The following NOVA1 variants were observed in gnomAD, a reference collection of about 807,000 sequenced individuals.
The protein encoded by NOVA1 is RNA-binding protein Nova-1.
NOVA1 carries 7 observed loss-of-function variants against 38.0 expected under a neutral mutation model. The ratio of observed to expected loss-of-function variants is 0.18; its 90% CI spans 0.10 to 0.35. NOVA1 has a LOEUF of 0.35. Among genes scored for constraint, NOVA1 ranks in the 10% least tolerant of loss-of-function variants. The probability of loss-of-function intolerance (pLI) is 1.00; values close to 1 mark genes in which losing one functional copy is unlikely to be tolerated. For missense variants in NOVA1, 460 were observed against 616.0 expected, an observed-to-expected ratio of 0.75 and a Z score of 2.68; for synonymous variants, 270 against 232.5, an observed-to-expected ratio of 1.16 and a Z score of -1.47.
intron 2 of NOVA1, among the ~76,000 whole-genome samples, chr14:26,496,533 A>G (rs541214503): frequency 6.6e-6 from 1 of 152,012 alleles, no homozygotes; most frequent in African/African-American, 2.4e-5. Flanking sequence ...TTTTGTTGCC[A>G]TTGCTTTTGG....
At chr14:26,572,699 A>C (rs61495407) in intron 2 of NOVA1, among the ~76,000 whole-genome samples, 9,033 of 149,888 alleles carry the variant, frequency 0.06, 774 homozygotes, top group African/African-American at 0.19. Context: ...TATAAGCTGA[A>C]ACCTCAGCCT....
At chr14:26,582,873 T>C (rs1010342588) in intron 2 of NOVA1, among the ~76,000 whole-genome samples, 2 of 151,706 alleles carry the variant, frequency 1.3e-5, no homozygotes, top group Admixed American at 6.6e-5. Flanking sequence ...AAATTACTAA[T>C]CCTAGTAATA....
chr14:26,524,775 A>G (rs907778600), intron 2 of NOVA1, among the ~76,000 whole-genome samples: 3 of 152,210 alleles, frequency 2.0e-5, no homozygotes, highest in Non-Finnish European at 2.9e-5. Flanking sequence ...AAGAGCCCCC[A>G]AGGGCATAAC....
At chr14:26,460,620 A>G (rs1418621719) in intron 4 of NOVA1, among the ~76,000 whole-genome samples, 1 of 152,100 alleles carries the variant, frequency 6.6e-6, no homozygotes, top group African/African-American at 2.4e-5. Flanking sequence ...AAAATGATCA[A>G]TTTATTGTCT....
At chr14:26,502,388 A>G (rs924484557) in intron 2 of NOVA1, among the ~76,000 whole-genome samples, 1 of 151,846 alleles carries the variant, frequency 6.6e-6, no homozygotes, top group African/African-American at 2.4e-5. Flanking sequence ...TCCAGCTATT[A>G]AAGCCATAGT....
intron 4 of NOVA1, among the ~76,000 whole-genome samples, chr14:26,459,670 A>C (rs1391046230): frequency 6.6e-6 from 1 of 152,138 alleles, no homozygotes; most frequent in Non-Finnish European, 1.5e-5. Context: ...ATTTATAAAA[A>C]ACACTTTATG....
chr14:26,515,315 T>C (rs985154718), intron 2 of NOVA1, among the ~76,000 whole-genome samples: 1 of 151,936 alleles, frequency 6.6e-6, no homozygotes, highest in Non-Finnish European at 1.5e-5. Context: ...GAAAAAAAAT[T>C]ACCTAAGTTT....
At chr14:26,482,779 C>T (rs2138309888) in intron 2 of NOVA1, among the ~76,000 whole-genome samples, 1 of 152,178 alleles carries the variant, frequency 6.6e-6, no homozygotes, top group Non-Finnish European at 1.5e-5. Context: ...CTCACTGCAG[C>T]CTCGACCACC....
chr14:26,542,059 T>C (rs1187424359), intron 2 of NOVA1, among the ~76,000 whole-genome samples: 3 of 151,902 alleles, frequency 2.0e-5, no homozygotes, highest in East Asian at 1.9e-4. Flanking sequence ...AAATTAAATA[T>C]TAAAATGTCA....
At chr14:26,476,759 C>CGTGGCTCACGCCTCTGAATTTTT (rs1885018471) in intron 3 of NOVA1, among the ~76,000 whole-genome samples, 2 of 148,956 alleles carry the variant, frequency 1.3e-5, no homozygotes, top group Admixed American at 6.7e-5. Context: ...TCTTGTTGCC[C>CGTGGCTCACGCCTCTGAATTTTT]AGGCTGGAGT....
intron 2 of NOVA1, among the ~76,000 whole-genome samples, chr14:26,574,619 A>C (rs1892718505): frequency 6.6e-6 from 1 of 152,022 alleles, no homozygotes; most frequent in Non-Finnish European, 1.5e-5. Flanking sequence ...TGTTATCATA[A>C]AACTTTAATT....
At chr14:26,518,112 CATAGAGTT>C (rs1888605951) in intron 2 of NOVA1, among the ~76,000 whole-genome samples, 1 of 151,908 alleles carries the variant, frequency 6.6e-6, no homozygotes, top group Non-Finnish European at 1.5e-5. Flanking sequence ...GAAGATAAAT[CATAGAGTT>C]ATTTTGTAAT....
intron 2 of NOVA1, among the ~76,000 whole-genome samples, chr14:26,531,606 T>TCAAAACAAAACAAAA (rs71121887): frequency 6.6e-6 from 1 of 150,856 alleles, no homozygotes; most frequent in Admixed American, 6.6e-5. Flanking sequence ...AAACTCCGTC[T>TCAAAACAAAACAAAA]CAAAACAAAA....
At position 26,444,237 on chromosome 14, in the gene NOVA1, AT is replaced by A. The variant is rs1045682609; in HGVS notation, c.*3721del. ...CCAATTTAATGCTTTCATACTGTTT[AT>A]TTTTTTCCAATAAAAAAATAAATCT... On this transcript the variant is annotated 3_prime_UTR_variant, in exon 5 of 5. Coordinates refer to ENST00000539517, the MANE Select transcript of NOVA1 (RefSeq NM_002515.3). 6.6e-6 allele frequency: 1 copy of A among 152,056 alleles called. No homozygotes were observed. The highest frequency in any genetic ancestry group is 2.4e-5 in the African/African-American group (1 of 41,426). 9.4% of individuals were successfully genotyped at this position (152,056 alleles called of 1,614,324 possible). A position where few individuals can be genotyped will look rare whatever the true frequency, so the allele number is the denominator to read the frequency against.
chr14:26,569,010 C>A (rs1892306993), intron 2 of NOVA1, among the ~76,000 whole-genome samples: 1 of 152,114 alleles, frequency 6.6e-6, no homozygotes, highest in South Asian at 2.1e-4. Context: ...TAAATGACAA[C>A]TAAACGCAAA....
At chr14:26,541,966 A>G (rs1260044911) in intron 2 of NOVA1, among the ~76,000 whole-genome samples, 2 of 151,944 alleles carry the variant, frequency 1.3e-5, no homozygotes, top group Non-Finnish European at 2.9e-5. Flanking sequence ...TCTGCCATCT[A>G]TATCATTTAA....
chr14:26,444,510 T>C lies in NOVA1; in HGVS notation c.*3449A>G, dbSNP rs1458860218. Reference sequence around the variant, plus strand: ...TTTTAAAAGTTTGTTACAGATGTGATGGGAAGCTGGAAGGAGTCGAATAAG... The same window carrying C: ...TTTTAAAAGTTTGTTACAGATGTGACGGGAAGCTGGAAGGAGTCGAATAAG... On this transcript the variant is annotated 3_prime_UTR_variant, in exon 5 of 5. Coordinates refer to ENST00000539517, the MANE Select transcript of NOVA1 (RefSeq NM_002515.3). 2.6e-5 allele frequency: 4 copies of C among 152,078 alleles called. No individual in the cohort carries two copies. Among genetic ancestry groups the C allele is most frequent in the African/African-American group, 9.7e-5 (4 of 41,406 alleles). 9.4% of individuals were successfully genotyped at this position (152,078 alleles called of 1,614,324 possible).
intron 2 of NOVA1, among the ~76,000 whole-genome samples, chr14:26,498,160 C>T (rs888733523): frequency 6.6e-5 from 10 of 151,918 alleles, no homozygotes; most frequent in East Asian, 1.9e-4. Context: ...CCTGGGTTCA[C>T]GCCTTTCTCC....
chr14:26,490,583 CTAA>C (rs1886257508), intron 2 of NOVA1, among the ~76,000 whole-genome samples: 1 of 152,178 alleles, frequency 6.6e-6, no homozygotes, highest in Non-Finnish European at 1.5e-5. Flanking sequence ...TTACTAATGA[CTAA>C]TAATGTCGAA....
Sources: allele counts gnomAD v4.1 joint callset (sites outside exome capture counted in the v4.1 genomes callset), GRCh38; gene constraint gnomAD v4.1.1; transcripts MANE v1.5; gene names NCBI Gene and HGNC (gene_info 2026-07-23, HGNC 2026-07-21).